PTPRU: variants seen among roughly 807,000 people sequenced by gnomAD.
PTPRU encodes protein tyrosine phosphatase receptor type U, also known as receptor-type tyrosine-protein phosphatase U.
Under a neutral mutation model 166.3 loss-of-function variants are expected in PTPRU, and 69 were observed. The observed-to-expected ratio is 0.41, with a 90% CI of 0.34 to 0.51. The LOEUF (loss-of-function observed/expected upper bound fraction) is 0.51. Among genes scored for constraint, PTPRU ranks in the 20% least tolerant of loss-of-function variants. The pLI is 0.09. For synonymous variants in PTPRU, 793 were observed against 814.0 expected (o/e 0.97, Z 0.44); for missense variants, 1,657 against 2,013.7 (o/e 0.82, Z 3.39).
Position 29,325,344 on chromosome 1 carries a change from G to T in PTPRU, c.4248+18G>T. The T allele has an allele frequency of 6.2e-7, 1 of 1,613,330 alleles. No homozygotes were observed. The highest frequency in any genetic ancestry group is 1.3e-5 in the African/African-American group (1 of 75,032). On this transcript the variant is annotated intron_variant, in intron 29 of 29. Coordinates refer to ENST00000373779, the MANE Select transcript of PTPRU (RefSeq NM_133178.4). ...AGACCATGGTGAGGGGCTGTGTCCCGTGCCCAGCCACTTCCACCTTCCTGG... is the reference window on the plus strand; with the variant it reads ...AGACCATGGTGAGGGGCTGTGTCCCTTGCCCAGCCACTTCCACCTTCCTGG...
rs936804817 is a variant in PTPRU at position 29,296,754 on chromosome 1, C to G, written c.2476+4728C>G. Among the ~76,000 whole-genome samples the G allele has an allele frequency of 7.9e-5, 12 of 151,172 alleles. 1 individual carries two copies. Among genetic ancestry groups the G allele is most frequent in the South Asian group, 4.2e-4 (2 of 4,776 alleles). On this transcript the variant is annotated intron_variant, in intron 15 of 29. Coordinates refer to ENST00000373779, the MANE Select transcript of PTPRU (RefSeq NM_133178.4). ...CCAGGTTGGTCTTGAACCCCTGGGC[C>G]CAAGCGATTTACTTGTCTTTGCCTC...
intron 14 of PTPRU, among the ~76,000 whole-genome samples, chr1:29,288,582 T>C (rs2151956513): frequency 6.6e-6 from 1 of 152,108 alleles, no homozygotes; most frequent in East Asian, 1.9e-4. Flanking sequence ...ATGGAGGAGA[T>C]GTGCTCTGTG....
At chr1:29,324,660 AGT>A (rs988803416) in intron 28 of PTPRU, among the ~76,000 whole-genome samples, 1 of 151,914 alleles carries the variant, frequency 6.6e-6, no homozygotes, top group African/African-American at 2.4e-5. Flanking sequence ...TTTCTCTTGG[AGT>A]GTGTCTGGCC....
At chr1:29,309,767 T>C (rs925153433) in intron 18 of PTPRU, among the ~76,000 whole-genome samples, 1 of 152,232 alleles carries the variant, frequency 6.6e-6, no homozygotes, top group African/African-American at 2.4e-5. Context: ...GATTTGAACC[T>C]TGGCAGTCTG....
chr1:29,325,050 G>A, intron 28 of PTPRU, 141 bp from the exon 29 acceptor site: 1 of 1,178,308 alleles, frequency 8.5e-7, no homozygotes, highest in Non-Finnish European at 1.2e-6. Flanking sequence ...CTCACCTCTG[G>A]GCTCTCTGCC....
chr1:29,315,330 T>A lies in PTPRU; in HGVS notation c.3228-42T>A. ...TTCTTCTCCTTAGTCCCGGGCTTCC[T>A]CCCCAAAGCTCTGACCTGGTCTGGG... is the stretch of plus-strand genomic sequence containing the variant. On this transcript the variant is annotated intron_variant, in intron 22 of 29. Transcript: ENST00000373779. The surrounding 1 kb of genome is among the most constrained non-coding windows in gnomAD (Gnocchi z 4.5). The A allele has an allele frequency of 3.1e-6, 5 of 1,612,468 alleles. No homozygotes were observed. The highest frequency in any genetic ancestry group is 4.2e-6 in the Non-Finnish European group (5 of 1,179,450).
intron 18 of PTPRU, among the ~76,000 whole-genome samples, chr1:29,309,235 T>G (rs903622275): frequency 1.3e-5 from 2 of 152,116 alleles, no homozygotes; most frequent in Admixed American, 6.5e-5. Context: ...GCCAGCAATA[T>G]GGACACCACC....
chr1:29,279,465 C>T lies in PTPRU; in HGVS notation c.1573C>T (p.Gln525Ter), dbSNP rs1485227658. 1 of 1,614,094 alleles carries T rather than the reference C, an allele frequency of 6.2e-7. No individual in the cohort carries two copies. The highest frequency in any genetic ancestry group is 8.5e-7 in the Non-Finnish European group (1 of 1,180,004). Residue 525 changes from glutamine to a stop codon, truncating the protein, a stop_gained, in exon 10 of 30, where the codon CAG becomes TAG. Transcript: ENST00000373779. LOFTEE classifies it high-confidence loss of function. The surrounding 1 kb of genome is among the most constrained non-coding windows in gnomAD (Gnocchi z 5.2). ...CCAATCCTGCCCCCAGATCAGCTAC[C>T]AGAGCATCGAGTCATCAGACCCGGC... ...GLITQYEISY[Q>*]SIESSDPAVN...
At chr1:29,304,993 C>T in intron 17 of PTPRU, 144 bp downstream of exon 17, 2 of 676,232 alleles carry the variant, frequency 3.0e-6, no homozygotes, top group East Asian at 2.7e-5. Flanking sequence ...ACACGTCACG[C>T]CCTGTGCTTG....
At position 29,236,558 on chromosome 1, in the gene PTPRU, G is replaced by GGGCTCC. The variant is rs1683769593; in HGVS notation, c.-81_-76dup. 2 of 1,040,208 alleles carry GGGCTCC rather than the reference G, an allele frequency of 1.9e-6. No individual in the cohort carries two copies. Among genetic ancestry groups the GGGCTCC allele is most frequent in the Non-Finnish European group, 2.4e-6 (2 of 836,202 alleles). 64.4% of individuals were successfully genotyped at this position (1,040,208 alleles called of 1,614,324 possible). ...GCGCCGCGCCGCTCCGCTCCGGCTCGGGCTCCGGCTCGCCTCGGGCTGGGC... is the reference window on the plus strand; with the variant it reads ...GCGCCGCGCCGCTCCGCTCCGGCTCGGGCTCCGGCTCCGGCTCGCCTCGGGCTGGGC... On this transcript the variant is annotated 5_prime_UTR_variant, in exon 1 of 30. Transcript: ENST00000373779. This position sits in a 1 kb window ranked among gnomAD's most constrained non-coding sequence, Gnocchi z 4.6.
intron 18 of PTPRU, among the ~76,000 whole-genome samples, chr1:29,307,611 A>G (rs534412288): frequency 6.6e-6 from 1 of 152,288 alleles, no homozygotes; most frequent in African/African-American, 2.4e-5. Flanking sequence ...GCCTCCTAAA[A>G]CTACTTTCCC....
At chr1:29,244,780 A>T (rs1684217765) in intron 1 of PTPRU, among the ~76,000 whole-genome samples, 1 of 152,058 alleles carries the variant, frequency 6.6e-6, no homozygotes, top group African/African-American at 2.4e-5. Flanking sequence ...TGTCATGAGG[A>T]TATGTTTTAT....
intron 26 of PTPRU, among the ~76,000 whole-genome samples, chr1:29,322,779 T>G (rs142461539): frequency 6.2e-4 from 94 of 152,204 alleles, no homozygotes; most frequent in African/African-American, 2.1e-3. Flanking sequence ...AGGATGTGTG[T>G]GTGTATTTGT....
intron 1 of PTPRU, among the ~76,000 whole-genome samples, chr1:29,245,009 C>G (rs563505415): frequency 1.3e-5 from 2 of 152,234 alleles, no homozygotes; most frequent in African/African-American, 4.8e-5. Flanking sequence ...GAGTCTGGCT[C>G]TTCTCTGACA....
chr1:29,304,631 T>G, intron 16 of PTPRU, 143 bp from the exon 17 acceptor site: 1 of 569,986 alleles, frequency 1.8e-6, no homozygotes, highest in South Asian at 3.2e-5. Flanking sequence ...AGTGACACAG[T>G]GACTTTATCT....
intron 7 of PTPRU, among the ~76,000 whole-genome samples, chr1:29,263,762 A>G (rs1256728910): frequency 1.3e-5 from 2 of 152,094 alleles, no homozygotes; most frequent in Admixed American, 6.5e-5. Context: ...GCATTTTTTC[A>G]TGTGCTTATT....
chr1:29,275,385 T>TA (rs1398244270), intron 7 of PTPRU, 63 bp from the exon 8 acceptor site: 1 of 1,465,078 alleles, frequency 6.8e-7, no homozygotes, highest in Non-Finnish European at 9.3e-7. Context: ...TCTCTCCCTG[T>TA]TCTTCTTCCT....
rs1574658250 is a variant in PTPRU at position 29,282,672 on chromosome 1, C to T, written c.1869-4C>T. On this transcript the variant is annotated splice_region_variant and splice_polypyrimidine_tract_variant and intron_variant, in intron 11 of 29. Transcript: ENST00000373779. ...ATCCCCTGTACGCTCTCCTCCCTGT[C>T]CAGTGTGTACCAGGTGATTGTGGAG... 1 of 1,611,556 alleles carries T rather than the reference C, an allele frequency of 6.2e-7. No individual in the cohort carries two copies. Among genetic ancestry groups the T allele is most frequent in the East Asian group, 2.2e-5 (1 of 44,868 alleles).
chr1:29,303,306 C>T (rs1443756596), intron 15 of PTPRU, among the ~76,000 whole-genome samples: 2 of 152,200 alleles, frequency 1.3e-5, no homozygotes, highest in East Asian at 1.9e-4. Flanking sequence ...CCTCTCCACC[C>T]ACTCCCCCAC....
Sources: allele counts gnomAD v4.1 joint callset (sites outside exome capture counted in the v4.1 genomes callset), GRCh38; gene constraint gnomAD v4.1.1; non-coding constraint Gnocchi (gnomAD v3.1); transcripts MANE v1.5; gene names NCBI Gene and HGNC (gene_info 2026-07-23, HGNC 2026-07-21).